SRGAP3: variants seen among roughly 807,000 people sequenced by gnomAD.
SRGAP3 encodes SLIT-ROBO Rho GTPase-activating protein 3.
A neutral mutation model predicts 121.1 loss-of-function variants in SRGAP3; 39 were observed. The ratio of observed to expected loss-of-function variants is 0.32; its 90% CI spans 0.25 to 0.42. SRGAP3 has a LOEUF of 0.42. Ranked by LOEUF, SRGAP3 falls within the 10% of genes least tolerant of loss-of-function variation. SRGAP3 has a pLI of 1.00. For synonymous variants in SRGAP3, 601 were observed against 570.0 expected, an observed-to-expected ratio of 1.05 and a Z score of -0.77; for missense variants, 1,213 against 1,470.6, an observed-to-expected ratio of 0.82 and a Z score of 2.86.
Position 8,985,595 on chromosome 3 carries a change from C to A in SRGAP3, c.3224G>T (p.Gly1075Val). The change falls in exon 22 of 22, where the codon GGC (glycine) becomes GTC (valine). Residue 1075 changes from glycine to valine, a missense_variant. Transcript: ENST00000383836. This position sits in a 1 kb window ranked among gnomAD's most constrained non-coding sequence, Gnocchi z 5.1. The part of the protein sequence containing the change: ...QHRSSSSSSS[G>V]VGSPAVTPTE... ...GGGCGTCACGGCCGGGCTGCCCACG[C>A]CCGAGCTGCTGCTGCTGCTGGACCG... The A allele has an allele frequency of 6.3e-7, 1 of 1,597,760 alleles. No homozygotes were observed. The highest frequency in any genetic ancestry group is 1.1e-5 in the South Asian group (1 of 90,986).
intron 3 of SRGAP3, among the ~76,000 whole-genome samples, chr3:9,268,851 T>C (rs13077722): frequency 0.19 from 29,512 of 152,150 alleles, 3,549 homozygotes; most frequent in Admixed American, 0.31. Flanking sequence ...CTGCATTTCA[T>C]GTTCTCTTCC....
intron 12 of SRGAP3, among the ~76,000 whole-genome samples, chr3:9,031,357 C>T (rs1187149327): frequency 6.6e-6 from 1 of 152,150 alleles, no homozygotes; most frequent in African/African-American, 2.4e-5. Flanking sequence ...CCCTGCCCTC[C>T]CATGACCCAG....
intron 18 of SRGAP3, among the ~76,000 whole-genome samples, chr3:9,002,877 T>C (rs1460830868): frequency 6.6e-6 from 1 of 151,898 alleles, no homozygotes; most frequent in African/African-American, 2.4e-5. Context: ...AACAAACTAT[T>C]GAAACTGACT....
chr3:9,343,800 A>T (rs1466536500), intron 1 of SRGAP3, among the ~76,000 whole-genome samples: 1 of 152,222 alleles, frequency 6.6e-6, no homozygotes, highest in South Asian at 2.1e-4. Context: ...CATCCCGAGG[A>T]GCAGGACTAC....
chr3:9,028,172 G>T (rs781109945), intron 12 of SRGAP3: 1 of 1,613,348 alleles, frequency 6.2e-7, no homozygotes, highest in Non-Finnish European at 8.5e-7. Flanking sequence ...AGGAGAAAAA[G>T]AAAAGATTAT....
intron 3 of SRGAP3, among the ~76,000 whole-genome samples, chr3:9,082,713 G>A (rs986104651): frequency 1.3e-5 from 2 of 152,212 alleles, no homozygotes; most frequent in Non-Finnish European, 2.9e-5. Flanking sequence ...TGGACCAGCT[G>A]CTAATGGGCA....
chr3:9,235,865 T>C (rs1435682330), intron 1 of SRGAP3: 1 of 152,256 alleles, frequency 6.6e-6, no homozygotes, highest in Non-Finnish European at 1.5e-5. Context: ...GTTATGAAGA[T>C]GGGTGGCATT....
chr3:9,353,217 C>T (rs1291049643), intron 1 of SRGAP3, among the ~76,000 whole-genome samples: 2 of 152,246 alleles, frequency 1.3e-5, no homozygotes, highest in Admixed American at 6.5e-5. Context: ...GTGCTCTTTT[C>T]GTTCCTCTGA....
At chr3:9,263,459 A>T (rs998414540) in intron 3 of SRGAP3, among the ~76,000 whole-genome samples, 16 of 152,268 alleles carry the variant, frequency 1.1e-4, no homozygotes, top group African/African-American at 3.9e-4. Flanking sequence ...AATTAACAAA[A>T]TAGATAGACT....
intron 3 of SRGAP3, among the ~76,000 whole-genome samples, chr3:9,325,633 C>T (rs549661332): frequency 3.9e-5 from 6 of 151,964 alleles, no homozygotes; most frequent in Admixed American, 2.0e-4. Context: ...TCCTTCTAGA[C>T]GAGTGAAGGC....
At chr3:9,091,436 G>T (rs765910237) in intron 3 of SRGAP3, among the ~76,000 whole-genome samples, 4 of 152,116 alleles carry the variant, frequency 2.6e-5, no homozygotes, top group Non-Finnish European at 5.9e-5. Flanking sequence ...AATGCCGACA[G>T]ATCCTACCCA....
intron 9 of SRGAP3, among the ~76,000 whole-genome samples, chr3:9,052,641 T>G (rs1482751318): frequency 6.6e-6 from 1 of 152,234 alleles, no homozygotes; most frequent in Non-Finnish European, 1.5e-5. Context: ...AGGGCATTTT[T>G]TCCAAAGCTC....
intron 2 of SRGAP3, among the ~76,000 whole-genome samples, chr3:9,111,912 A>G (rs1320419312): frequency 1.3e-5 from 2 of 152,214 alleles, no homozygotes; most frequent in Non-Finnish European, 2.9e-5. Flanking sequence ...GAAATTTTGC[A>G]TATGTATGTA....
Position 9,249,022 on chromosome 3 carries a change from A to C in SRGAP3, c.-71T>G. 6.9e-7 allele frequency: 1 copy of C among 1,452,682 alleles called. No individual in the cohort carries two copies. Among genetic ancestry groups the C allele is most frequent in the Non-Finnish European group, 9.7e-7 (1 of 1,034,424 alleles). The allele number at this position is 1,452,682 out of a possible 1,614,324, so 90.0% of individuals were successfully genotyped here. A position where few individuals can be genotyped will look rare whatever the true frequency, so the allele number is the denominator to read the frequency against. On this transcript the variant is annotated 5_prime_UTR_variant, in exon 1 of 22. Coordinates refer to ENST00000383836, the MANE Select transcript of SRGAP3 (RefSeq NM_014850.4). ...TCCTTTTCTTTTCGAGTCCTCTCTC[A>C]AGCCCTGGTAATCACACAGCTCTGG...
chr3:9,017,853 T>C (rs2125045850), intron 14 of SRGAP3, among the ~76,000 whole-genome samples: 1 of 152,394 alleles, frequency 6.6e-6, no homozygotes, highest in Middle Eastern at 3.4e-3. Flanking sequence ...TTCTATGTGT[T>C]GGTATCATTT....
At chr3:9,323,800 C>CTA (rs1553574444) in intron 3 of SRGAP3, among the ~76,000 whole-genome samples, 1 of 111,560 alleles carries the variant, frequency 9.0e-6, no homozygotes, top group Non-Finnish European at 1.9e-5. Context: ...GTGTATCTAA[C>CTA]ACACACACAC....
intron 15 of SRGAP3, 98 bp downstream of exon 15, chr3:9,015,499 A>T: frequency 1.3e-6 from 2 of 1,509,590 alleles, no homozygotes; most frequent in South Asian, 2.3e-5. Flanking sequence ...CGCCTTTCAT[A>T]ATGTCCCTCC....
chr3:8,984,668 A>G lies in SRGAP3; in HGVS notation c.*851T>C, dbSNP rs983131960. ...GGGGTCTTCTCGCCAACCTTCTCCC[A>G]TGCCTTTGGGAGTACAGTTGGCCTT... On this transcript the variant is annotated 3_prime_UTR_variant, in exon 22 of 22. Transcript: ENST00000383836. 4.3e-6 allele frequency: 1 copy of G among 232,310 alleles called. No homozygotes were observed. The highest frequency in any genetic ancestry group is 2.2e-5 in the African/African-American group (1 of 45,244). 14.4% of individuals were successfully genotyped at this position (232,310 alleles called of 1,614,324 possible).
intron 5 of SRGAP3, among the ~76,000 whole-genome samples, chr3:9,061,246 A>G (rs1946156028): frequency 6.6e-6 from 1 of 152,104 alleles, no homozygotes; most frequent in Admixed American, 6.5e-5. Flanking sequence ...CAATCAATCA[A>G]TAAGACCCCT....
Sources: gnomAD v4.1 joint callset for allele counts (sites outside exome capture counted in the v4.1 genomes callset) on GRCh38, gnomAD v4.1.1 for gene constraint, Gnocchi (gnomAD v3.1) non-coding constraint, MANE v1.5 for transcripts, NCBI Gene and HGNC (gene_info 2026-07-23, HGNC 2026-07-21) for gene names.